The following CCDC171 variants were observed in gnomAD, a reference collection of about 807,000 sequenced individuals.
CCDC171 encodes coiled-coil domain-containing protein 171.
A neutral mutation model predicts 168.2 loss-of-function variants in CCDC171; 177 were observed. The observed-to-expected ratio is 1.05, with a 90% CI of 0.93 to 1.19. CCDC171 has a LOEUF of 1.19. Among genes scored for constraint, CCDC171 ranks in the 50% most tolerant of loss-of-function variants. The probability of loss-of-function intolerance (pLI) is 0.00; values close to 1 mark genes in which losing one functional copy is unlikely to be tolerated. For synonymous variants in CCDC171, 687 were observed against 540.8 expected, an observed-to-expected ratio of 1.27 and a Z score of -3.75; for missense variants, 1,991 against 1,539.0, an observed-to-expected ratio of 1.29 and a Z score of -4.91.
intron 3 of CCDC171, among the ~76,000 whole-genome samples, chr9:16,017,959 T>C (rs1833071128): frequency 6.6e-6 from 1 of 152,148 alleles, no homozygotes; most frequent in South Asian, 2.1e-4. Context: ...ACTGCAGCAA[T>C]TGCTGGTGGA....
intron 1 of CCDC171, among the ~76,000 whole-genome samples, chr9:15,554,427 A>C (rs771045310): frequency 3.3e-4 from 50 of 152,166 alleles, no homozygotes; most frequent in Non-Finnish European, 6.3e-4. Context: ...AGGCAGTGCA[A>C]CCTGCTAAGA....
At chr9:15,991,097 C>G (rs1174828079) in intron 3 of CCDC171, among the ~76,000 whole-genome samples, 4 of 152,316 alleles carry the variant, frequency 2.6e-5, no homozygotes, top group South Asian at 2.1e-4. Flanking sequence ...CTACAGAACT[C>G]TCCACCCCAA....
chr9:15,940,001 T>C (rs547208235), intron 25 of CCDC171, among the ~76,000 whole-genome samples: 2 of 152,016 alleles, frequency 1.3e-5, no homozygotes, highest in African/African-American at 4.8e-5. Flanking sequence ...ATTTAAGACT[T>C]GTTTTTGTTT....
At chr9:15,576,072 A>G (rs1337280246) in intron 3 of CCDC171, among the ~76,000 whole-genome samples, 6 of 150,120 alleles carry the variant, frequency 4.0e-5, no homozygotes, top group Non-Finnish European at 8.9e-5. Context: ...AGCTTCGGCA[A>G]CAGAGCGAGA....
At chr9:15,839,532 T>C (rs1365522622) in intron 21 of CCDC171, among the ~76,000 whole-genome samples, 2 of 152,176 alleles carry the variant, frequency 1.3e-5, no homozygotes, top group African/African-American at 2.4e-5. Context: ...AAAACAGGAA[T>C]GGTAATACTA....
chr9:15,708,603 G>C (rs888022826), intron 11 of CCDC171, among the ~76,000 whole-genome samples: 1 of 151,978 alleles, frequency 6.6e-6, no homozygotes, highest in Non-Finnish European at 1.5e-5. Flanking sequence ...AATACAGCTA[G>C]CCAGGAATGA....
In CCDC171 at chr9:15,624,262, ACATT is replaced by A. The variant is rs1254571873; in HGVS notation, c.822+852_822+855del. ...TTTGAAATTATTGACACTAGTAAAA[ACATT>A]CAATAAGGAGGCTAGGCAGAGAATA... On this transcript the variant is annotated intron_variant, in intron 7 of 25. Coordinates refer to ENST00000380701, the MANE Select transcript of CCDC171 (RefSeq NM_173550.4). Among the ~76,000 whole-genome samples the A allele has an allele frequency of 5.3e-5, 8 of 152,268 alleles. No individual in the cohort carries two copies. The South Asian group carries it at 1.2e-3, about 24-fold the overall frequency.
chr9:15,992,660 G>C (rs1306908680), intron 3 of CCDC171, among the ~76,000 whole-genome samples: 1 of 152,176 alleles, frequency 6.6e-6, no homozygotes. Context: ...AATTGTCCTT[G>C]TTTGCAGATG....
At chr9:15,563,253 C>T (rs1488269859) in intron 1 of CCDC171, among the ~76,000 whole-genome samples, 1 of 151,908 alleles carries the variant, frequency 6.6e-6, no homozygotes, top group Non-Finnish European at 1.5e-5. Flanking sequence ...ATTCTTCCAC[C>T]TCAGCCTCCT....
chr9:15,666,385 A>G (rs1312790745), intron 9 of CCDC171, 62 bp downstream of exon 9: 1 of 1,138,220 alleles, frequency 8.8e-7, no homozygotes, highest in East Asian at 2.6e-5. Context: ...GCTATATAAA[A>G]TATGAATGTA....
intron 18 of CCDC171, among the ~76,000 whole-genome samples, chr9:15,749,905 A>C (rs933119939): frequency 1.3e-5 from 2 of 152,298 alleles, no homozygotes; most frequent in South Asian, 2.1e-4. Context: ...CATCACAATT[A>C]AAAGAACTAG....
Position 15,648,954 on chromosome 9 carries a change from G to A in CCDC171, c.823-8173G>A, listed in dbSNP as rs141343529. ...CGCATTGCCAAGACAATCCTAAGCC[G>A]AAAGAACAAAGCTAGAGGCATCATG... is the stretch of plus-strand genomic sequence containing the variant. On this transcript the variant is annotated intron_variant, in intron 7 of 25. Coordinates refer to ENST00000380701, the MANE Select transcript of CCDC171 (RefSeq NM_173550.4). Among the ~76,000 whole-genome samples, 291 of 152,146 alleles carry A rather than the reference G, an allele frequency of 1.9e-3. 2 individuals are homozygous for A. The highest frequency in any genetic ancestry group is 6.3e-3 in the African/African-American group (263 of 41,532).
At chr9:16,028,234 C>T (rs1833309730) in intron 6 of CCDC171, among the ~76,000 whole-genome samples, 1 of 152,154 alleles carries the variant, frequency 6.6e-6, no homozygotes, top group Non-Finnish European at 1.5e-5. Context: ...AGCCATGGAG[C>T]TATTGGAAGC....
intron 6 of CCDC171, among the ~76,000 whole-genome samples, chr9:15,622,010 T>C (rs202023985): frequency 1.3e-5 from 2 of 152,180 alleles, no homozygotes; most frequent in Non-Finnish European, 2.9e-5. Context: ...GGCCATTATC[T>C]TTAGCAAACT....
At chr9:16,018,042 AG>A (rs1396882663) in intron 3 of CCDC171, among the ~76,000 whole-genome samples, 2 of 152,250 alleles carry the variant, frequency 1.3e-5, no homozygotes, top group Non-Finnish European at 2.9e-5. Context: ...CCAGAATCAT[AG>A]CTGCAAGGGA....
Position 15,653,729 on chromosome 9 carries a change from A to G in CCDC171, c.823-3398A>G, listed in dbSNP as rs114189955. Among the ~76,000 whole-genome samples, 983 of 152,216 alleles carry G rather than the reference A, an allele frequency of 6.5e-3. 9 individuals carry two copies. The highest frequency in any genetic ancestry group is 0.022 in the African/African-American group (918 of 41,542). Reference sequence around the variant, plus strand: ...TAGTTTCATCCCTGAACACTTTAGTATGTATTTTTTAAAAGATAAGGGTTT... The same window carrying G: ...TAGTTTCATCCCTGAACACTTTAGTGTGTATTTTTTAAAAGATAAGGGTTT... On this transcript the variant is annotated intron_variant, in intron 7 of 25. Transcript: ENST00000380701.
chr9:15,594,128 G>A lies in CCDC171; in HGVS notation c.631G>A (p.Glu211Lys), dbSNP rs756459738. 3 of 1,490,194 alleles carry A rather than the reference G, an allele frequency of 2.0e-6. No homozygotes were observed. The highest frequency in any genetic ancestry group is 2.8e-6 in the Non-Finnish European group (3 of 1,072,318). The allele number at this position is 1,490,194 out of a possible 1,614,324, so 92.3% of individuals were successfully genotyped here. ...TALEEFRLQE[E>K]QWEAERRELQ... ...ATTGGAGGAGTTTAGATTACAAGAA[G>A]AACAATGGGAAGCAGAAAGAAGAGA... is the stretch of plus-strand genomic sequence containing the variant. Residue 211 changes from glutamate (E) to lysine (K), a missense_variant, in exon 6 of 26, where the codon GAA becomes AAA. Physicochemically the swap from Glu to Lys is moderately conservative, Grantham distance 56. Transcript: ENST00000380701.
chr9:15,632,075 G>C (rs912764188), intron 7 of CCDC171, among the ~76,000 whole-genome samples: 3 of 152,030 alleles, frequency 2.0e-5, no homozygotes, highest in Admixed American at 1.3e-4. Flanking sequence ...TACTAAATGG[G>C]CAAAAACTGG....
At chr9:15,958,203 C>T (rs1455286837) in intron 25 of CCDC171, among the ~76,000 whole-genome samples, 1 of 151,970 alleles carries the variant, frequency 6.6e-6, no homozygotes, top group Non-Finnish European at 1.5e-5. Flanking sequence ...ACTGTGCAGG[C>T]CACTGGTAAT....
Sources: allele counts gnomAD v4.1 joint callset (sites outside exome capture counted in the v4.1 genomes callset), GRCh38; gene constraint gnomAD v4.1.1; transcripts MANE v1.5; gene names NCBI Gene and HGNC (gene_info 2026-07-23, HGNC 2026-07-21).